TPP2: variants seen among roughly 807,000 people sequenced by gnomAD.
The protein encoded by TPP2 is tripeptidyl peptidase 2.
TPP2 carries 34 observed loss-of-function variants against 155.9 expected under a neutral mutation model. The ratio of observed to expected loss-of-function variants is 0.22; its 90% CI spans 0.17 to 0.29. The LOEUF (loss-of-function observed/expected upper bound fraction) is 0.29. Among genes scored for constraint, TPP2 ranks in the 10% least tolerant of loss-of-function variants. The pLI is 1.00. For synonymous variants in TPP2, 510 were observed against 529.4 expected (o/e 0.96, Z 0.50); for missense variants, 1,028 against 1,522.3 (o/e 0.68, Z 5.40).
chr13:102,643,407 A>T, intron 17 of TPP2, 31 bp downstream of exon 17: 2 of 1,554,962 alleles, frequency 1.3e-6, no homozygotes, highest in Non-Finnish European at 1.7e-6. Context: ...TAATCCTAAC[A>T]CAATTTATTT....
At position 102,597,240 on chromosome 13, in the gene TPP2, G is replaced by C. The variant is rs200010226; in HGVS notation, c.165+37G>C. 2.2e-4 allele frequency: 268 copies of C among 1,234,104 alleles called. 1 individual carries two copies. In the African/African-American group the frequency reaches 4.1e-3, roughly 19 times the overall value. 76.4% of individuals were successfully genotyped at this position (1,234,104 alleles called of 1,614,324 possible). On this transcript the variant is annotated intron_variant, in intron 1 of 29. Coordinates refer to ENST00000376052, the MANE Select transcript of TPP2 (RefSeq NM_001330588.2). ...CCCGAGGGCCCGGGCGCGGGGGCGCGGGCGGCCGGGGACGCGGGTGGGGAC... is the reference window on the plus strand; with the variant it reads ...CCCGAGGGCCCGGGCGCGGGGGCGCCGGCGGCCGGGGACGCGGGTGGGGAC...
At chr13:102,675,098 A>C (rs1414300788) in intron 28 of TPP2, among the ~76,000 whole-genome samples, 1 of 152,232 alleles carries the variant, frequency 6.6e-6, no homozygotes, top group Non-Finnish European at 1.5e-5. Flanking sequence ...GAAATAAAAT[A>C]AAGTAAATGG....
At chr13:102,677,142 G>A (rs982392461) in intron 29 of TPP2, among the ~76,000 whole-genome samples, 2 of 152,086 alleles carry the variant, frequency 1.3e-5, no homozygotes, top group East Asian at 1.9e-4. Flanking sequence ...TACTCTTAGA[G>A]CTTTTTGTTT....
At chr13:102,600,760 CTA>C (rs1425995506) in intron 1 of TPP2, among the ~76,000 whole-genome samples, 1 of 152,098 alleles carries the variant, frequency 6.6e-6, no homozygotes, top group Non-Finnish European at 1.5e-5. Context: ...TCATAAAACT[CTA>C]TTTTTACATT....
At chr13:102,676,708 T>C (rs2139627138) in intron 29 of TPP2, among the ~76,000 whole-genome samples, 1 of 152,374 alleles carries the variant, frequency 6.6e-6, no homozygotes, top group South Asian at 2.1e-4. Flanking sequence ...AGTTTTTCTT[T>C]ATGAAGGAAA....
intron 29 of TPP2, 106 bp from the exon 30 acceptor site, chr13:102,678,121 A>G (rs1490965587): frequency 5.5e-6 from 6 of 1,086,506 alleles, no homozygotes; most frequent in Non-Finnish European, 3.9e-6. Flanking sequence ...AAGGTTCTAT[A>G]TGCTACTACC....
intron 27 of TPP2, 138 bp from the exon 28 acceptor site, chr13:102,674,145 A>G: frequency 1.2e-6 from 1 of 845,094 alleles, no homozygotes. Context: ...TGTACAATAC[A>G]ATTGTACGTA....
chr13:102,618,548 G>T (rs531643345), intron 4 of TPP2, among the ~76,000 whole-genome samples, 174 bp from the exon 5 acceptor site: 10 of 152,142 alleles, frequency 6.6e-5, no homozygotes, highest in African/African-American at 2.4e-4. Flanking sequence ...GTATTAATGG[G>T]TATCTGCTTC....
intron 1 of TPP2, among the ~76,000 whole-genome samples, chr13:102,599,070 C>G (rs1879228596): frequency 6.6e-6 from 1 of 151,898 alleles, no homozygotes; most frequent in African/African-American, 2.4e-5. Context: ...AGCGTGGTAC[C>G]CAGTAGGTAG....
intron 17 of TPP2, 90 bp from the exon 18 acceptor site, chr13:102,644,467 A>T: frequency 1.0e-6 from 1 of 958,008 alleles, no homozygotes; most frequent in Non-Finnish European, 1.4e-6. Flanking sequence ...AAAGTTTGAA[A>T]ACAGAATTGC....
At chr13:102,615,369 C>G (rs932546536) in intron 3 of TPP2, among the ~76,000 whole-genome samples, 2 of 151,968 alleles carry the variant, frequency 1.3e-5, no homozygotes, top group African/African-American at 4.8e-5. Flanking sequence ...AGGCTGGTCT[C>G]GAACTCCTGG....
intron 24 of TPP2, among the ~76,000 whole-genome samples, chr13:102,654,315 G>A (rs1249484465): frequency 6.6e-6 from 1 of 152,036 alleles, no homozygotes. Flanking sequence ...TTGTTAATTT[G>A]ATATATTTAA....
At chr13:102,675,179 A>G (rs891355171) in intron 28 of TPP2, among the ~76,000 whole-genome samples, 10 of 152,216 alleles carry the variant, frequency 6.6e-5, no homozygotes, top group Non-Finnish European at 1.5e-4. Flanking sequence ...TGTTCTCAGA[A>G]TTAACTGGTA....
chr13:102,664,390 G>C (rs931932336), intron 26 of TPP2, among the ~76,000 whole-genome samples: 2 of 152,078 alleles, frequency 1.3e-5, no homozygotes, highest in Non-Finnish European at 2.9e-5. Context: ...TCATCAGCTA[G>C]GGCTTTCTTT....
At chr13:102,607,205 C>T (rs529612494) in intron 2 of TPP2, among the ~76,000 whole-genome samples, 4 of 152,296 alleles carry the variant, frequency 2.6e-5, no homozygotes, top group African/African-American at 9.6e-5. Flanking sequence ...GTTTACGGTG[C>T]GGGTTGAGAA....
intron 7 of TPP2, 71 bp downstream of exon 7, chr13:102,627,237 TG>T: frequency 1.4e-6 from 2 of 1,430,234 alleles, no homozygotes; most frequent in Non-Finnish European, 1.8e-6. Context: ...GGTTTATAAG[TG>T]CTCCTAGTTT....
In TPP2 at chr13:102,679,241, C is replaced by CA. The variant is rs1165565192; in HGVS notation, c.*932dup. On this transcript the variant is annotated 3_prime_UTR_variant, in exon 30 of 30. Transcript: ENST00000376052. ...AGAAATAATACATTAAATACATAGACAAAAAAAGTTAAACATAAGATAATC... is the reference window on the plus strand; with the variant it reads ...AGAAATAATACATTAAATACATAGACAAAAAAAAGTTAAACATAAGATAATC... 11 of 152,130 alleles carry CA rather than the reference C, an allele frequency of 7.2e-5. No individual in the cohort carries two copies. The highest frequency in any genetic ancestry group is 6.2e-4 in the South Asian group (3 of 4,816). 9.4% of individuals were successfully genotyped at this position (152,130 alleles called of 1,614,324 possible). A position where few individuals can be genotyped will look rare whatever the true frequency, so the allele number is the denominator to read the frequency against.
rs1342878305 is a variant in TPP2, at chr13:102,679,664, G to A, written c.*1348G>A. On this transcript the variant is annotated 3_prime_UTR_variant, in exon 30 of 30. Coordinates refer to ENST00000376052, the MANE Select transcript of TPP2 (RefSeq NM_001330588.2). ...TAGGGTCCAAAGTCTATCCATGAAA[G>A]CTACATGCATGTTCTCTCTCACACA... 1 of 152,192 alleles carries A rather than the reference G, an allele frequency of 6.6e-6. No individual in the cohort carries two copies. Among genetic ancestry groups the A allele is most frequent in the Non-Finnish European group, 1.5e-5 (1 of 68,048 alleles). 9.4% of individuals were successfully genotyped at this position (152,192 alleles called of 1,614,324 possible). A position where few individuals can be genotyped will look rare whatever the true frequency, so the allele number is the denominator to read the frequency against.
chr13:102,620,601 G>T (rs926981322), intron 5 of TPP2, among the ~76,000 whole-genome samples: 2 of 152,140 alleles, frequency 1.3e-5, no homozygotes, highest in Non-Finnish European at 2.9e-5. Context: ...TTTAAGTACC[G>T]TGGGTTTTTT....
Sources: gnomAD v4.1 joint callset for allele counts (sites outside exome capture counted in the v4.1 genomes callset) on GRCh38, gnomAD v4.1.1 for gene constraint, MANE v1.5 for transcripts, NCBI Gene and HGNC (gene_info 2026-07-23, HGNC 2026-07-21) for gene names.